Variants in DSCAM observed in about 807,000 individuals in gnomAD.
The protein encoded by DSCAM is cell adhesion molecule DSCAM.
A neutral mutation model predicts 217.7 loss-of-function variants in DSCAM; 47 were observed. The observed-to-expected ratio is 0.22, with a 90% CI of 0.17 to 0.28. The LOEUF is 0.28. DSCAM is among the 10% of genes least tolerant of loss of function. The probability of loss-of-function intolerance (pLI) is 1.00; values close to 1 mark genes in which losing one functional copy is unlikely to be tolerated. For synonymous variants in DSCAM, 1,056 were observed against 1,015.3 expected (o/e 1.04, Z -0.76); for missense variants, 2,080 against 2,618.3 (o/e 0.79, Z 4.49).
chr21:40,060,177 C>T (rs1462019771), intron 28 of DSCAM, among the ~76,000 whole-genome samples: 1 of 152,200 alleles, frequency 6.6e-6, no homozygotes, highest in Admixed American at 6.5e-5. Flanking sequence ...ACTGGCTTTA[C>T]TCTTCCTAAT....
chr21:40,130,614 C>T (rs972251455), intron 19 of DSCAM, among the ~76,000 whole-genome samples: 7 of 151,954 alleles, frequency 4.6e-5, no homozygotes, highest in African/African-American at 1.7e-4. Flanking sequence ...TATGTCCATG[C>T]ACCGGAGACT....
At chr21:40,287,996 T>C (rs2073848256) in intron 10 of DSCAM, among the ~76,000 whole-genome samples, 1 of 151,988 alleles carries the variant, frequency 6.6e-6, no homozygotes, top group African/African-American at 2.4e-5. Context: ...CAGGAAGAAA[T>C]AGAGTCACAC....
rs746296406 is a variant in DSCAM at position 40,144,507 on chromosome 21, G to A, written c.3243C>T (p.Thr1081=). 6 of 1,614,068 alleles carry A rather than the reference G, an allele frequency of 3.7e-6. No individual in the cohort carries two copies. Among genetic ancestry groups the A allele is most frequent in the Non-Finnish European group, 3.4e-6 (4 of 1,180,020 alleles). Residue 1081 remains threonine (T), a synonymous_variant, in exon 17 of 33, where the codon ACC becomes ACT. Transcript: ENST00000400454. This position sits in a 1 kb window ranked among gnomAD's most constrained non-coding sequence, Gnocchi z 4.8. The part of the protein sequence containing the change: ...GTGPSSQEII[T]TTLEDVPSYP... Reference sequence around the variant, plus strand: ...CGAACCTACCATCCTCGAGAGTGGTGGTGATGATTTCCTGAGAAGAAGGCC... The same window carrying A: ...CGAACCTACCATCCTCGAGAGTGGTAGTGATGATTTCCTGAGAAGAAGGCC...
intron 7 of DSCAM, 77 bp from the exon 8 acceptor site, chr21:40,338,453 G>C (rs2074452233): frequency 2.1e-6 from 3 of 1,423,100 alleles, no homozygotes; most frequent in Non-Finnish European, 1.9e-6. Context: ...ACTTTTCCTT[G>C]AGTTAAAAAT....
chr21:40,483,677 T>C (rs994450196), intron 3 of DSCAM, among the ~76,000 whole-genome samples: 1 of 152,230 alleles, frequency 6.6e-6, no homozygotes, highest in Non-Finnish European at 1.5e-5. Context: ...CTTTAACAAC[T>C]ATGAATACCC....
chr21:40,084,555 CAG>C (rs2089506531), intron 23 of DSCAM, among the ~76,000 whole-genome samples: 2 of 130,394 alleles, frequency 1.5e-5, no homozygotes, highest in Admixed American at 7.5e-5. Context: ...CACACACACA[CAG>C]AAAATCAAAA....
intron 1 of DSCAM, among the ~76,000 whole-genome samples, chr21:40,802,598 G>T (rs1264943120): frequency 4.6e-5 from 7 of 152,154 alleles, no homozygotes; most frequent in Admixed American, 1.3e-4. Flanking sequence ...GGTCATGAGG[G>T]CATAGCCCTC....
chr21:40,562,452 C>T (rs932012056), intron 3 of DSCAM, among the ~76,000 whole-genome samples: 6 of 152,114 alleles, frequency 3.9e-5, no homozygotes, highest in Admixed American at 1.3e-4. Context: ...AGTCTCAGGC[C>T]GTTCTTCATA....
intron 1 of DSCAM, among the ~76,000 whole-genome samples, chr21:40,809,921 C>T (rs1283598774): frequency 3.3e-5 from 5 of 152,204 alleles, no homozygotes; most frequent in African/African-American, 1.2e-4. Flanking sequence ...GCTACAGATC[C>T]AGCAAGTCAT....
Position 40,398,629 on chromosome 21 carries a change from TTTTC to T in DSCAM, c.509-29388_509-29385del, listed in dbSNP as rs963982047. Among the ~76,000 whole-genome samples, 21 of 143,932 alleles carry T rather than the reference TTTTC, an allele frequency of 1.5e-4. No homozygotes were observed. In the South Asian group the frequency reaches 1.6e-3, roughly 11 times the overall value. 94.4% of individuals were successfully genotyped at this position (143,932 alleles called of 152,430 possible). On this transcript the variant is annotated intron_variant, in intron 3 of 32. Transcript: ENST00000400454. The stretch of plus-strand genomic sequence containing the variant: ...AAATTAGAAGTTTCTTTCCTTTCTT[TTTTC>T]TTTCTTTTTTTTTTTTTTTTGAGAT...
chr21:40,692,967 G>A lies in DSCAM; in HGVS notation c.362-11C>T. On this transcript the variant is annotated splice_polypyrimidine_tract_variant and intron_variant, in intron 2 of 32. Transcript: ENST00000400454. ...AGGGCTCCCGTAAAACTGGAAGGCA[G>A]AAAGAGGACGTCAGTAAGGCACACG... The A allele has an allele frequency of 1.3e-6, 2 of 1,598,172 alleles. No homozygotes were observed. The highest frequency in any genetic ancestry group is 2.2e-5 in the East Asian group (1 of 44,490).
intron 3 of DSCAM, among the ~76,000 whole-genome samples, chr21:40,548,503 TAAAA>T (rs60211777): frequency 1.1e-4 from 10 of 90,310 alleles, no homozygotes; most frequent in Non-Finnish European, 2.3e-4. Flanking sequence ...AATAAACCAG[TAAAA>T]AAAAAAATAT....
chr21:40,579,944 C>T (rs1390653274), intron 3 of DSCAM, among the ~76,000 whole-genome samples: 1 of 152,158 alleles, frequency 6.6e-6, no homozygotes, highest in Non-Finnish European at 1.5e-5. Flanking sequence ...CCAGGGTACT[C>T]AGCTGATGGT....
intron 8 of DSCAM, among the ~76,000 whole-genome samples, chr21:40,315,415 A>AT (rs1379478468): frequency 6.6e-6 from 1 of 151,964 alleles, no homozygotes; most frequent in Non-Finnish European, 1.5e-5. Flanking sequence ...AAAAAAAAAA[A>AT]GGAAAACATA....
At chr21:40,646,475 AAG>A (rs1405271824) in intron 3 of DSCAM, among the ~76,000 whole-genome samples, 2 of 151,990 alleles carry the variant, frequency 1.3e-5, no homozygotes, top group Non-Finnish European at 2.9e-5. Flanking sequence ...CTTGTTAGCA[AAG>A]AGAACTCACG....
intron 8 of DSCAM, among the ~76,000 whole-genome samples, chr21:40,318,927 C>A (rs1479559265): frequency 6.6e-6 from 1 of 152,132 alleles, no homozygotes; most frequent in Non-Finnish European, 1.5e-5. Flanking sequence ...TTCTTTGGCC[C>A]TGCCTTCTGG....
At chr21:40,087,127 C>A in intron 22 of DSCAM, 43 bp downstream of exon 22, 1 of 1,386,394 alleles carries the variant, frequency 7.2e-7, no homozygotes, top group South Asian at 1.2e-5. Context: ...CAGATGTAAT[C>A]TCTTAGAGTC....
At chr21:40,493,110 A>G (rs73362920) in intron 3 of DSCAM, among the ~76,000 whole-genome samples, 3,283 of 152,326 alleles carry the variant, frequency 0.022, 110 homozygotes, top group African/African-American at 0.074. Context: ...AAAACTGCCA[A>G]TTCAACAAAC....
intron 16 of DSCAM, among the ~76,000 whole-genome samples, chr21:40,166,743 C>T (rs1209661395): frequency 6.6e-6 from 1 of 152,236 alleles, no homozygotes; most frequent in Non-Finnish European, 1.5e-5. Flanking sequence ...GTGGATTCAA[C>T]AGCTCACTTC....
Sources: allele counts gnomAD v4.1 joint callset (sites outside exome capture counted in the v4.1 genomes callset), GRCh38; gene constraint gnomAD v4.1.1; non-coding constraint Gnocchi (gnomAD v3.1); transcripts MANE v1.5; gene names NCBI Gene and HGNC (gene_info 2026-07-23, HGNC 2026-07-21).